Variants in XRCC4 observed in about 807,000 individuals in gnomAD.
XRCC4 encodes the protein DNA repair protein XRCC4.
In XRCC4, 28 loss-of-function variants were observed where a neutral mutation model predicts 39.1. The observed-to-expected ratio is 0.72, with a 90% confidence interval of 0.53 to 0.98. XRCC4 has a LOEUF of 0.98. XRCC4 is among the 50% of genes least tolerant of loss of function. The pLI is 0.00. For synonymous variants in XRCC4, 123 were observed against 126.4 expected (o/e 0.97, Z 0.18); for missense variants, 350 against 376.4 (o/e 0.93, Z 0.58).
At chr5:83,290,661 G>C (rs1460794190) in intron 7 of XRCC4, among the ~76,000 whole-genome samples, 1 of 151,698 alleles carries the variant, frequency 6.6e-6, no homozygotes, top group East Asian at 1.9e-4. Flanking sequence ...TCTTGTTTAA[G>C]AGTTCATGCA....
At chr5:83,104,030 G>A (rs1746078429) in intron 1 of XRCC4, among the ~76,000 whole-genome samples, 1 of 152,142 alleles carries the variant, frequency 6.6e-6, no homozygotes, top group Admixed American at 6.6e-5. Flanking sequence ...TTTGATGTAT[G>A]TACTTTTCTG....
the XRCC4 span, among the ~76,000 whole-genome samples, chr5:83,361,676 G>A: frequency 6.7e-6 from 1 of 150,014 alleles, no homozygotes; most frequent in African/African-American, 2.5e-5. Context: ...AGGCTGGAGT[G>A]CAATGCCATG....
intron 3 of XRCC4, among the ~76,000 whole-genome samples, chr5:83,112,434 T>A (rs538997257): frequency 1.3e-5 from 2 of 152,322 alleles, no homozygotes; most frequent in African/African-American, 4.8e-5. Flanking sequence ...GTGCAGCGAT[T>A]TTCTAGTTTT....
intron 7 of XRCC4, among the ~76,000 whole-genome samples, chr5:83,326,596 T>A (rs1376215610): frequency 1.3e-5 from 2 of 152,112 alleles, no homozygotes; most frequent in African/African-American, 4.8e-5. Flanking sequence ...TTTTCCAGGC[T>A]TTGAACTACA....
the XRCC4 span, among the ~76,000 whole-genome samples, chr5:83,364,781 G>A: frequency 6.6e-6 from 1 of 152,158 alleles, no homozygotes; most frequent in Non-Finnish European, 1.5e-5. Context: ...TTCAACACAT[G>A]GTTCCAATTA....
intron 3 of XRCC4, among the ~76,000 whole-genome samples, chr5:83,112,367 G>T (rs1316027412): frequency 6.6e-6 from 1 of 152,050 alleles, no homozygotes; most frequent in East Asian, 1.9e-4. Flanking sequence ...TGCCAAATTG[G>T]GATTAATGCC....
rs546013913 is a variant in XRCC4, at chr5:83,254,227, CA to C, written c.746-4301del. Among the ~76,000 whole-genome samples the C allele has an allele frequency of 6.8e-4, 103 of 152,084 alleles. 2 individuals are homozygous for C. In the South Asian group the frequency reaches 0.021, roughly 31 times the overall value. ...ATCTTAAGAAAAAAACCTCCCCAGT[CA>C]ATATCGAATCCATACTTTTCTGCCT... On this transcript the variant is annotated intron_variant, in intron 6 of 7. Transcript: ENST00000396027.
downstream of XRCC4, among the ~76,000 whole-genome samples, chr5:83,358,464 G>T (rs1043422579): frequency 6.6e-6 from 1 of 151,424 alleles, no homozygotes; most frequent in African/African-American, 2.4e-5. Context: ...CTTTCAAAGG[G>T]CTTTCATTTA....
At chr5:83,134,573 G>A (rs1282134905) in intron 3 of XRCC4, among the ~76,000 whole-genome samples, 1 of 152,112 alleles carries the variant, frequency 6.6e-6, no homozygotes, top group Non-Finnish European at 1.5e-5. Flanking sequence ...GGACCAATCA[G>A]CTCTCTGCAA....
intron 3 of XRCC4, among the ~76,000 whole-genome samples, chr5:83,115,881 G>A (rs1388088804): frequency 6.6e-6 from 1 of 152,168 alleles, no homozygotes; most frequent in Non-Finnish European, 1.5e-5. Flanking sequence ...AATATTCTCA[G>A]AACGGCTTGA....
intron 7 of XRCC4, among the ~76,000 whole-genome samples, chr5:83,264,709 C>A (rs1753893822): frequency 6.6e-6 from 1 of 151,704 alleles, no homozygotes; most frequent in Admixed American, 6.6e-5. Context: ...TAGGCTCACA[C>A]CAGTTATGCT....
At chr5:83,220,655 G>C (rs1306974002) in intron 6 of XRCC4, among the ~76,000 whole-genome samples, 2 of 152,130 alleles carry the variant, frequency 1.3e-5, no homozygotes, top group African/African-American at 4.8e-5. Context: ...CTCAATGTGA[G>C]ACCCTTAGTG....
At chr5:83,175,230 T>C (rs975924768) in intron 3 of XRCC4, among the ~76,000 whole-genome samples, 6 of 152,210 alleles carry the variant, frequency 3.9e-5, no homozygotes, top group African/African-American at 1.4e-4. Flanking sequence ...AAATGTTATT[T>C]AGTAGTAAAT....
chr5:83,248,755 A>G (rs942869576), intron 6 of XRCC4, among the ~76,000 whole-genome samples: 1 of 152,204 alleles, frequency 6.6e-6, no homozygotes, highest in Admixed American at 6.5e-5. Context: ...TTGATGCTCA[A>G]AGTAACTTTA....
intron 3 of XRCC4, among the ~76,000 whole-genome samples, chr5:83,119,750 T>A (rs1417287485): frequency 2.6e-5 from 4 of 152,032 alleles, no homozygotes; most frequent in Middle Eastern, 3.2e-3. Context: ...TGTGGGAGGA[T>A]CACTTGAGGC....
intron 7 of XRCC4, among the ~76,000 whole-genome samples, chr5:83,261,504 C>T (rs1302926730): frequency 6.6e-6 from 1 of 151,982 alleles, no homozygotes; most frequent in Non-Finnish European, 1.5e-5. Context: ...AACATTCCCA[C>T]CAGACATCTT....
intron 7 of XRCC4, among the ~76,000 whole-genome samples, chr5:83,329,656 A>G (rs1481639054): frequency 2.6e-5 from 4 of 152,128 alleles, no homozygotes; most frequent in Non-Finnish European, 4.4e-5. Flanking sequence ...CACCACCTTG[A>G]TCAAATGCAA....
intron 7 of XRCC4, among the ~76,000 whole-genome samples, chr5:83,318,380 A>C (rs1422445348): frequency 7.6e-6 from 1 of 130,890 alleles, no homozygotes; most frequent in African/African-American, 3.6e-5. Context: ...GAAGGAAATA[A>C]AGGGTATTCA....
intron 3 of XRCC4, among the ~76,000 whole-genome samples, chr5:83,167,219 G>A (rs536719338): frequency 9.0e-5 from 12 of 133,948 alleles, no homozygotes; most frequent in Non-Finnish European, 1.8e-4. Flanking sequence ...CTAATGATCA[G>A]TGATGTTGAG....
Sources: allele counts gnomAD v4.1 joint callset (sites outside exome capture counted in the v4.1 genomes callset), GRCh38; gene constraint gnomAD v4.1.1; transcripts MANE v1.5; gene names NCBI Gene and HGNC (gene_info 2026-07-23, HGNC 2026-07-21).